GCM2: variants seen among roughly 807,000 people sequenced by gnomAD.
GCM2 encodes chorion-specific transcription factor GCMb.
GCM2 carries 21 observed loss-of-function variants against 24.8 expected under a neutral mutation model. That is an observed-to-expected ratio of 0.85 (90% confidence interval 0.60 to 1.22). GCM2 has a LOEUF of 1.22. Ranked by LOEUF, GCM2 falls within the 50% of genes most tolerant of loss-of-function variation. The pLI is 0.00. For synonymous variants in GCM2, 222 were observed against 238.0 expected (o/e 0.93, Z 0.62); for missense variants, 532 against 645.6 (o/e 0.82, Z 1.91).
At position 10,880,675 on chromosome 6, in the gene GCM2, T is replaced by G. The variant is rs559935543; in HGVS notation, c.90+1029A>C. 2.0e-5 allele frequency among the ~76,000 whole-genome samples: 3 copies of G among 152,312 alleles called. No homozygotes were observed. In the East Asian group the frequency reaches 5.8e-4, roughly 29 times the overall value. ...ACCCCAGTCATTCTTTGGACTTGGC[T>G]CCAAACCATTTTTGCTTTATTGAAA... is the stretch of plus-strand genomic sequence containing the variant. On this transcript the variant is annotated intron_variant, in intron 1 of 4. Coordinates refer to ENST00000379491, the MANE Select transcript of GCM2 (RefSeq NM_004752.4).
Position 10,877,163 on chromosome 6 carries a change from TCGCAGATGGCCGGCCTCAGCTGCAGG to T in GCM2, c.294_319del (p.Leu99GlnfsTer13). 6.2e-7 allele frequency: 1 copy of T among 1,613,142 alleles called. No homozygotes were observed. On this transcript the variant is annotated frameshift_variant, in exon 2 of 5. Transcript: ENST00000379491. LOFTEE classifies it high-confidence loss of function. ...ACTCTGCTGTTTCAGCCGTGCCTTG[TCGCAGATGGCCGGCCTCAGCTGCAGG>T]CGGGAACCGTCGGGCAGGGTGCAGG... is the stretch of plus-strand genomic sequence containing the variant.
rs201892176 is a variant in GCM2, at chr6:10,874,730, T to A, written c.786A>T (p.Ser262=). ...GCCTAGGCAAATAGATTCTTGGGCT[T>A]GAGTATTTCTGGAAGGGTGGCATTT... The part of the protein sequence containing the change: ...GDKMPPFQKY[S]SPRIYLPRPP... Residue 262 remains serine (S), a synonymous_variant, in exon 5 of 5, where the codon TCA becomes TCT. Transcript: ENST00000379491. The A allele has an allele frequency of 2.8e-5, 45 of 1,614,158 alleles. No individual in the cohort carries two copies. In the East Asian group the frequency reaches 7.8e-4, roughly 28 times the overall value.
chr6:10,880,082 C>T (rs540718106), intron 1 of GCM2, among the ~76,000 whole-genome samples: 1 of 152,168 alleles, frequency 6.6e-6, no homozygotes, highest in Non-Finnish European at 1.5e-5. Flanking sequence ...ATGGAGAAAC[C>T]CAATCTCTAC....
chr6:10,879,475 T>C (rs1036733609), intron 1 of GCM2, among the ~76,000 whole-genome samples: 1 of 152,142 alleles, frequency 6.6e-6, no homozygotes, highest in Admixed American at 6.5e-5. Flanking sequence ...GTTGTGTGTG[T>C]GTGTACATAC....
rs3778165 is a variant in GCM2 at position 10,880,552 on chromosome 6, A to C, written c.90+1152T>G. Among the ~76,000 whole-genome samples the C allele has an allele frequency of 5.8e-4, 88 of 152,112 alleles. No individual in the cohort carries two copies. In the East Asian group the frequency reaches 0.016, roughly 28 times the overall value. On this transcript the variant is annotated intron_variant, in intron 1 of 4. Coordinates refer to ENST00000379491, the MANE Select transcript of GCM2 (RefSeq NM_004752.4). ...CCCCACCCCCTACAGCCAGGACTTCAACATCACTCAATTTTGGCCCTAACC... is the reference window on the plus strand; with the variant it reads ...CCCCACCCCCTACAGCCAGGACTTCCACATCACTCAATTTTGGCCCTAACC...
At chr6:10,875,793 T>C in intron 4 of GCM2, 98 bp downstream of exon 4, 1 of 1,192,328 alleles carries the variant, frequency 8.4e-7, no homozygotes. Flanking sequence ...AATCAAACCC[T>C]TGTAATTAAC....
At chr6:10,881,284 G>A (rs941847713) in intron 1 of GCM2, among the ~76,000 whole-genome samples, 5 of 151,940 alleles carry the variant, frequency 3.3e-5, no homozygotes, top group African/African-American at 4.8e-5. Context: ...TCAGCCTCCC[G>A]AGTAGCTGCG....
At chr6:10,876,416 A>G (rs367671760) in intron 3 of GCM2, 29 bp downstream of exon 3, 2 of 1,391,072 alleles carry the variant, frequency 1.4e-6, no homozygotes, top group Non-Finnish European at 1.0e-6. Context: ...AAAAGTATCC[A>G]TCACAAATTG....
Position 10,873,291 on chromosome 6 carries a change from T to C in GCM2, c.*704A>G, listed in dbSNP as rs989040225. 6.6e-6 allele frequency: 1 copy of C among 152,532 alleles called. No homozygotes were observed. Among genetic ancestry groups the C allele is most frequent in the African/African-American group, 2.4e-5 (1 of 41,476 alleles). The allele number at this position is 152,532 out of a possible 1,614,324, so 9.4% of individuals were successfully genotyped here. ...CAGAAAAAAAATGTATTTAGTACAATGGTAATCCATTAAATACAACTCATC... is the reference window on the plus strand; with the variant it reads ...CAGAAAAAAAATGTATTTAGTACAACGGTAATCCATTAAATACAACTCATC... On this transcript the variant is annotated 3_prime_UTR_variant, in exon 5 of 5. Transcript: ENST00000379491.
In GCM2 at chr6:10,873,744, C is replaced by T. The variant is rs2113241741; in HGVS notation, c.*251G>A. 2 of 533,506 alleles carry T rather than the reference C, an allele frequency of 3.7e-6. No homozygotes were observed. The highest frequency in any genetic ancestry group is 3.4e-5 in the East Asian group (1 of 29,248). 33.0% of individuals were successfully genotyped at this position (533,506 alleles called of 1,614,324 possible). On this transcript the variant is annotated 3_prime_UTR_variant, in exon 5 of 5. Coordinates refer to ENST00000379491, the MANE Select transcript of GCM2 (RefSeq NM_004752.4). ...ACCTCCTACAGTTTGCTTATTTGTT[C>T]ATTTGAGAGACTCACACTTTCCTCA...
chr6:10,875,874 T>C lies in GCM2; in HGVS notation c.582+17A>G. ...AAAATGAGCTGAGACCACTGTGCAC[T>C]ATCAGCTCCCTGTTACCTCGGATTC... On this transcript the variant is annotated intron_variant, in intron 4 of 4. Coordinates refer to ENST00000379491, the MANE Select transcript of GCM2 (RefSeq NM_004752.4). 1 of 1,613,602 alleles carries C rather than the reference T, an allele frequency of 6.2e-7. No individual in the cohort carries two copies. The highest frequency in any genetic ancestry group is 8.5e-7 in the Non-Finnish European group (1 of 1,179,596).
chr6:10,874,415 C>T lies in GCM2; in HGVS notation c.1101G>A (p.Arg367=), dbSNP rs746969410. ...RPYYNPELPC[R]YLTTPPPGAP... is the part of the protein sequence containing the mutation. ...CACCTGGTGGTGGAGTCGTGAGGTA[C>T]CTGCAGGGAAGCTCTGGGTTATAAT... The change falls in exon 5 of 5, where the codon AGG becomes AGA. Residue 367 remains arginine (R), a synonymous_variant. Transcript: ENST00000379491. The T allele has an allele frequency of 7.4e-6, 12 of 1,614,150 alleles. No homozygotes were observed. In the South Asian group the frequency reaches 9.9e-5, roughly 13 times the overall value.
Position 10,877,284 on chromosome 6 carries a change from G to T in GCM2, c.199C>A (p.Arg67Ser), listed in dbSNP as rs532834782. The change falls in exon 2 of 5, where the codon CGC becomes AGC. Residue 67 changes from arginine (R) to serine (S), a missense_variant. Arg to Ser is a moderately radical substitution (Grantham distance 110, BLOSUM62 -1). Around this residue, in one of 3 missense-constraint regions of GCM2, gnomAD observed 96 missense variants for 103.5 expected, o/e 0.93. Coordinates refer to ENST00000379491, the MANE Select transcript of GCM2 (RefSeq NM_004752.4). ...AQRHLSGWAM[R>S]NTNNHNGHIL... ...TGGCCATTGTGGTTGTTGGTGTTGCGCATGGCCCAGCCGCTCAGGTGACGC... is the reference window on the plus strand; with the variant it reads ...TGGCCATTGTGGTTGTTGGTGTTGCTCATGGCCCAGCCGCTCAGGTGACGC... 1 of 1,614,200 alleles carries T rather than the reference G, an allele frequency of 6.2e-7. No homozygotes were observed. The highest frequency in any genetic ancestry group is 1.3e-5 in the African/African-American group (1 of 75,046).
intron 4 of GCM2, among the ~76,000 whole-genome samples, 181 bp downstream of exon 4, chr6:10,875,707 AAGG>A (rs1779867878): frequency 6.6e-6 from 1 of 152,192 alleles, no homozygotes; most frequent in Non-Finnish European, 1.5e-5. Flanking sequence ...TTTTTGTTTT[AAGG>A]AGAAGGGATT....
Position 10,875,075 on chromosome 6 carries a change from G to T in GCM2, c.583-142C>A, listed in dbSNP as rs115064494. On this transcript the variant is annotated intron_variant, in intron 4 of 4. Transcript: ENST00000379491. ...TGAACATGGCACTGCTCAGGTACGT[G>T]ATGTAAGCACGTGGTCCAGGGGTTG... 1.0e-3 allele frequency: 740 copies of T among 708,618 alleles called. 7 individuals are homozygous for T. The African/African-American group carries it at 0.012, about 11-fold the overall frequency. The allele number at this position is 708,618 out of a possible 1,614,324, so 43.9% of individuals were successfully genotyped here.
chr6:10,874,092 G>C lies in GCM2; in HGVS notation c.1424C>G (p.Ala475Gly), dbSNP rs769221323. ...AGACAGACACACATCCCAAGTCTCT[G>C]CTTCATCTGTCCTAGAGGAAACTGG... Reference protein sequence around the residue: ...HEPVSSRTDEAETWDVCLSGL... With the variant: ...HEPVSSRTDEGETWDVCLSGL... The change falls in exon 5 of 5, where the codon GCA becomes GGA. Residue 475 changes from alanine (A) to glycine (G), a missense_variant. This residue lies in a region of GCM2 where 434 missense variants were observed against 521.9 expected (regional missense o/e 0.83). Transcript: ENST00000379491. The C allele has an allele frequency of 3.1e-6, 5 of 1,614,078 alleles. No individual in the cohort carries two copies.
intron 1 of GCM2, 22 bp downstream of exon 1, chr6:10,881,682 C>G (rs768863737): frequency 6.3e-7 from 1 of 1,587,746 alleles, no homozygotes; most frequent in Admixed American, 1.7e-5. Flanking sequence ...CCCGCGTGCC[C>G]GCACACACCC....
chr6:10,881,918 CAGAGAGAGAGAA>C lies in GCM2; in HGVS notation c.-137_-126del. On this transcript the variant is annotated 5_prime_UTR_variant, in exon 1 of 5. Coordinates refer to ENST00000379491, the MANE Select transcript of GCM2 (RefSeq NM_004752.4). ...AAGTGGGGTGTGTGAAGGGGAGGTG[CAGAGAGAGAGAA>C]AGAGAGAGAGGCTGTTTAGATATCT... 1.3e-6 allele frequency: 1 copy of C among 745,986 alleles called. No individual in the cohort carries two copies. Among genetic ancestry groups the C allele is most frequent in the Non-Finnish European group, 2.3e-6 (1 of 428,410 alleles). The allele number at this position is 745,986 out of a possible 1,614,324, so 46.2% of individuals were successfully genotyped here. A position where few individuals can be genotyped will look rare whatever the true frequency, so the allele number is the denominator to read the frequency against.
chr6:10,880,712 A>G (rs1301122107), intron 1 of GCM2, among the ~76,000 whole-genome samples: 2 of 152,226 alleles, frequency 1.3e-5, no homozygotes, highest in Non-Finnish European at 2.9e-5. Context: ...AAAGCAAAAT[A>G]CAACAAATTC....
Sources: gnomAD v4.1 joint callset for allele counts (sites outside exome capture counted in the v4.1 genomes callset) on GRCh38, gnomAD v4.1.1 for gene constraint, gnomAD v4.1.1 regional missense constraint, MANE v1.5 for transcripts, NCBI Gene and HGNC (gene_info 2026-07-23, HGNC 2026-07-21) for gene names.